SLC15A2: variants seen among roughly 807,000 people sequenced by gnomAD.
SLC15A2 encodes kidney H(+)/peptide cotransporter.
A neutral mutation model predicts 95.5 loss-of-function variants in SLC15A2; 77 were observed. The observed-to-expected ratio is 0.81, with a 90% CI of 0.67 to 0.97. The LOEUF (loss-of-function observed/expected upper bound fraction) is 0.97, where lower values mean the gene tolerates loss of function less well. SLC15A2 is among the 50% of genes least tolerant of loss of function. The pLI, the probability that SLC15A2 is intolerant of heterozygous loss-of-function variation, is 0.00. For missense variants in SLC15A2, 893 were observed against 874.4 expected (o/e 1.02, Z -0.27); for synonymous variants, 306 against 306.9 (o/e 1.00, Z 0.03).
intron 7 of SLC15A2, among the ~76,000 whole-genome samples, chr3:121,920,271 G>A (rs1709978076): frequency 6.6e-6 from 1 of 151,954 alleles, no homozygotes. Flanking sequence ...ATTTTCCTTT[G>A]TCCAGGTATC....
intron 3 of SLC15A2, among the ~76,000 whole-genome samples, chr3:121,910,692 A>T (rs543453992): frequency 1.3e-5 from 2 of 152,306 alleles, no homozygotes; most frequent in East Asian, 3.9e-4. Flanking sequence ...TGCAGGTGTA[A>T]ACTGTAATTT....
At chr3:121,935,130 G>A (rs561428446) in intron 19 of SLC15A2, among the ~76,000 whole-genome samples, 1 of 152,288 alleles carries the variant, frequency 6.6e-6, no homozygotes, top group East Asian at 1.9e-4. Context: ...GATCATGGTG[G>A]ATAAGCTTTT....
intron 5 of SLC15A2, chr3:121,914,826 C>T (rs551874963): frequency 1.4e-5 from 3 of 207,836 alleles, no homozygotes; most frequent in South Asian, 3.3e-4. Flanking sequence ...CCACTGCATT[C>T]CAGCCTGGGC....
chr3:121,929,578 A>G (rs1165502819), intron 17 of SLC15A2, among the ~76,000 whole-genome samples: 1 of 152,210 alleles, frequency 6.6e-6, no homozygotes, highest in Admixed American at 6.5e-5. Flanking sequence ...ACTCTGGGGC[A>G]TAAATCCTTT....
In SLC15A2 at chr3:121,922,867, T is replaced by G. The variant is rs1710035035; in HGVS notation, c.867+6T>G. ...GGGCGGCTGAGAAATATCCAGTAAG[T>G]TGGAAATGCAGAAACATCTTATGGC... On this transcript the variant is annotated splice_donor_region_variant and intron_variant, in intron 9 of 21. Coordinates refer to ENST00000489711, the MANE Select transcript of SLC15A2 (RefSeq NM_021082.4). 2 of 1,611,258 alleles carry G rather than the reference T, an allele frequency of 1.2e-6. No homozygotes were observed. The highest frequency in any genetic ancestry group is 2.2e-5 in the South Asian group (2 of 90,998).
intron 1 of SLC15A2, among the ~76,000 whole-genome samples, chr3:121,896,172 A>G (rs1187688919): frequency 6.6e-6 from 1 of 152,248 alleles, no homozygotes; most frequent in Admixed American, 6.5e-5. Flanking sequence ...GAGCAAGTCC[A>G]TGTAAAATAA....
At chr3:121,898,217 TCCATC>T (rs1709457760) in intron 3 of SLC15A2, among the ~76,000 whole-genome samples, 1 of 152,168 alleles carries the variant, frequency 6.6e-6, no homozygotes, top group African/African-American at 2.4e-5. Context: ...TGATACTTTC[TCCATC>T]TCTTCTCCAG....
intron 7 of SLC15A2, among the ~76,000 whole-genome samples, chr3:121,920,764 A>G (rs1272422094): frequency 6.6e-6 from 1 of 152,224 alleles, no homozygotes; most frequent in Non-Finnish European, 1.5e-5. Flanking sequence ...GTGAATCTAA[A>G]TGAGACGAAT....
At chr3:121,939,257 A>T in intron 19 of SLC15A2, 92 bp from the exon 20 acceptor site, 1 of 1,059,272 alleles carries the variant, frequency 9.4e-7, no homozygotes, top group Admixed American at 3.1e-5. Context: ...TGAAAATACA[A>T]AAAGGATGGA....
chr3:121,916,389 C>T (rs935423763), intron 7 of SLC15A2, among the ~76,000 whole-genome samples: 1 of 152,118 alleles, frequency 6.6e-6, no homozygotes, highest in African/African-American at 2.4e-5. Flanking sequence ...ACCTGTTCTC[C>T]ACTCTGAGCC....
chr3:121,927,856 T>C lies in SLC15A2; in HGVS notation c.1206+17T>C, dbSNP rs1413657172. 4 of 1,578,768 alleles carry C rather than the reference T, an allele frequency of 2.5e-6. No homozygotes were observed. The highest frequency in any genetic ancestry group is 1.7e-5 in the Admixed American group (1 of 59,972). ...AAAATAAATGTGAGTTCAGTAATTC[T>C]TAAGCTCTATGAGGGCAGGATCATA... On this transcript the variant is annotated intron_variant, in intron 14 of 21. Coordinates refer to ENST00000489711, the MANE Select transcript of SLC15A2 (RefSeq NM_021082.4).
At chr3:121,897,763 C>T (rs1920302) in intron 3 of SLC15A2, among the ~76,000 whole-genome samples, 67,833 of 152,018 alleles carry the variant, frequency 0.45, 15,660 homozygotes, top group East Asian at 0.69. Flanking sequence ...TCTTCAGTTG[C>T]GGTATCTTTT....
At chr3:121,911,264 G>T (rs1403174782) in intron 3 of SLC15A2, among the ~76,000 whole-genome samples, 1 of 152,204 alleles carries the variant, frequency 6.6e-6, no homozygotes, top group African/African-American at 2.4e-5. Context: ...TCTGTACAAA[G>T]TAGGGTTTCT....
At chr3:121,896,101 C>T (rs1709408838) in intron 1 of SLC15A2, among the ~76,000 whole-genome samples, 1 of 152,120 alleles carries the variant, frequency 6.6e-6, no homozygotes, top group African/African-American at 2.4e-5. Flanking sequence ...TTCTTCTGCC[C>T]CAGAGCCCTA....
chr3:121,925,105 A>G (rs567783432), intron 13 of SLC15A2, 72 bp downstream of exon 13: 12 of 1,055,748 alleles, frequency 1.1e-5, no homozygotes, highest in Middle Eastern at 2.0e-4. Flanking sequence ...AAAAGATTCA[A>G]TGTCAGTATT....
chr3:121,910,626 A>G (rs1576675294), intron 3 of SLC15A2, among the ~76,000 whole-genome samples: 1 of 152,176 alleles, frequency 6.6e-6, no homozygotes, highest in Non-Finnish European at 1.5e-5. Context: ...TCTCTTTGCT[A>G]TCTTTATTCC....
At position 121,931,703 on chromosome 3, in the gene SLC15A2, T is replaced by G. The variant is rs758687526; in HGVS notation, c.1729T>G (p.Phe577Val). Reference protein sequence around the residue: ...NFSLNLGLLDFGAAYLFVITN... With the variant: ...NFSLNLGLLDVGAAYLFVITN... ...TTCTCTGAATTTGGGTCTTCTAGAC[T>G]TTGGTGCAGCATATCTGTTTGTTAT... The change falls in exon 19 of 22, where the codon TTT becomes GTT. Residue 577 changes from phenylalanine (F) to valine (V), a missense_variant. Coordinates refer to ENST00000489711, the MANE Select transcript of SLC15A2 (RefSeq NM_021082.4). The G allele has an allele frequency of 1.1e-5, 18 of 1,613,034 alleles. No individual in the cohort carries two copies. The highest frequency in any genetic ancestry group is 4.4e-5 in the South Asian group (4 of 91,060).
chr3:121,909,872 C>T (rs1206007588), intron 3 of SLC15A2, among the ~76,000 whole-genome samples: 1 of 151,936 alleles, frequency 6.6e-6, no homozygotes, highest in Non-Finnish European at 1.5e-5. Flanking sequence ...TGGCCCAAGA[C>T]AATATATCTT....
At chr3:121,935,405 TG>T (rs1559854613) in intron 19 of SLC15A2, among the ~76,000 whole-genome samples, 2 of 152,214 alleles carry the variant, frequency 1.3e-5, no homozygotes, top group African/African-American at 2.4e-5. Flanking sequence ...GGACTCTTTT[TG>T]GTTGGTAAGC....
Sources: allele counts gnomAD v4.1 joint callset (sites outside exome capture counted in the v4.1 genomes callset), GRCh38; gene constraint gnomAD v4.1.1; transcripts MANE v1.5; gene names NCBI Gene and HGNC (gene_info 2026-07-23, HGNC 2026-07-21).